GPHN: variants seen among roughly 807,000 people sequenced by gnomAD.
GPHN encodes the protein gephyrin.
In GPHN, 17 loss-of-function variants were observed where a neutral mutation model predicts 95.5. The ratio of observed to expected loss-of-function variants is 0.18; its 90% CI spans 0.12 to 0.27. The LOEUF (loss-of-function observed/expected upper bound fraction) is 0.27, where lower values mean the gene tolerates loss of function less well. GPHN is among the 10% of genes least tolerant of loss of function. GPHN has a pLI of 1.00. For missense variants in GPHN, 660 were observed against 978.1 expected (o/e 0.67, Z 4.34); for synonymous variants, 320 against 322.5 (o/e 0.99, Z 0.08).
At chr14:67,647,148 AG>A in the GPHN span, 46 of 664,962 alleles carry the variant, frequency 6.9e-5, no homozygotes, top group African/African-American at 7.3e-4. Context: ...AATTTTAAAT[AG>A]TTCAGAAAGG....
chr14:67,556,619 G>A, the GPHN span, among the ~76,000 whole-genome samples: 4 of 152,260 alleles, frequency 2.6e-5, no homozygotes, highest in South Asian at 2.1e-4. Context: ...GGGGTGTGAC[G>A]GTATGCACCT....
chr14:66,557,115 G>A (rs1036157852), intron 1 of GPHN, among the ~76,000 whole-genome samples: 1 of 152,116 alleles, frequency 6.6e-6, no homozygotes, highest in Admixed American at 6.6e-5. Flanking sequence ...GCTGAGGCTG[G>A]AGGATTTCTG....
At chr14:67,076,167 A>G (rs2076485118) in intron 11 of GPHN, among the ~76,000 whole-genome samples, 1 of 152,340 alleles carries the variant, frequency 6.6e-6, no homozygotes, top group African/African-American at 2.4e-5. Flanking sequence ...AGCAGCCATC[A>G]ACATGGAGGC....
chr14:66,698,804 G>T (rs771441333), intron 2 of GPHN, among the ~76,000 whole-genome samples: 1 of 152,140 alleles, frequency 6.6e-6, no homozygotes, highest in African/African-American at 2.4e-5. Context: ...ATTCGGCTCT[G>T]GGGAACCTGC....
At chr14:67,495,897 T>C in the GPHN span, among the ~76,000 whole-genome samples, 7 of 152,244 alleles carry the variant, frequency 4.6e-5, no homozygotes, top group African/African-American at 1.7e-4. Context: ...CAGGCAGGCT[T>C]TCTAGGGTAG....
chr14:67,433,555 G>A, the GPHN span, among the ~76,000 whole-genome samples: 10 of 152,038 alleles, frequency 6.6e-5, 1 homozygote, highest in South Asian at 2.1e-4. Context: ...CAAATGAGAC[G>A]CATCCTATAA....
intron 4 of GPHN, among the ~76,000 whole-genome samples, chr14:66,831,028 T>G (rs548352555): frequency 1.3e-5 from 2 of 152,190 alleles, no homozygotes; most frequent in South Asian, 4.1e-4. Flanking sequence ...ATAAGAACAC[T>G]GTATAAGCCC....
At chr14:67,227,044 C>G in the GPHN span, among the ~76,000 whole-genome samples, 1 of 152,160 alleles carries the variant, frequency 6.6e-6, no homozygotes, top group Non-Finnish European at 1.5e-5. Flanking sequence ...TGGATATATT[C>G]AGCAACAAAA....
chr14:66,826,366 G>C (rs2061385246), intron 4 of GPHN, among the ~76,000 whole-genome samples: 1 of 152,134 alleles, frequency 6.6e-6, no homozygotes, highest in South Asian at 2.1e-4. Context: ...GAACCAGCCA[G>C]TTCTTCAACT....
chr14:66,549,134 T>A (rs190256102), intron 1 of GPHN, among the ~76,000 whole-genome samples: 12 of 152,246 alleles, frequency 7.9e-5, no homozygotes, highest in Non-Finnish European at 7.4e-5. Context: ...TAGAGAAAAA[T>A]TTTTACATTA....
the GPHN span, among the ~76,000 whole-genome samples, chr14:67,265,247 A>G: frequency 6.6e-6 from 1 of 152,206 alleles, no homozygotes; most frequent in Non-Finnish European, 1.5e-5. Flanking sequence ...AGGACTTGTT[A>G]GGGTGTTCTA....
chr14:66,686,633 GCT>G (rs201314953), intron 2 of GPHN, among the ~76,000 whole-genome samples: 4,452 of 152,290 alleles, frequency 0.029, 93 homozygotes, highest in Middle Eastern at 0.12. Flanking sequence ...TTGCTTACCA[GCT>G]TAAGGAGAAT....
chr14:66,910,420 C>T (rs960735672), intron 5 of GPHN, among the ~76,000 whole-genome samples: 1 of 151,890 alleles, frequency 6.6e-6, no homozygotes, highest in African/African-American at 2.4e-5. Context: ...CTAGCATTGT[C>T]AGGAGAAGCA....
At chr14:67,335,559 G>A in the GPHN span, 1 of 152,624 alleles carries the variant, frequency 6.6e-6, no homozygotes, top group Non-Finnish European at 1.5e-5. Flanking sequence ...TGCTTTCTAT[G>A]AAAATCTAAT....
chr14:66,706,660 A>T lies in GPHN; in HGVS notation c.143+25475A>T, dbSNP rs2069103472. 3.3e-5 allele frequency among the ~76,000 whole-genome samples: 5 copies of T among 152,334 alleles called. No homozygotes were observed. In the South Asian group the frequency reaches 1.0e-3, roughly 32 times the overall value. On this transcript the variant is annotated intron_variant, in intron 2 of 22. Transcript: ENST00000478722. ...TTCCTTACACCTTATTCAAAAATTAACTCAAGATGTGTTAAAGACTTAAAT... is the reference window on the plus strand; with the variant it reads ...TTCCTTACACCTTATTCAAAAATTATCTCAAGATGTGTTAAAGACTTAAAT...
chr14:67,150,401 A>T (rs1430060566), intron 18 of GPHN, among the ~76,000 whole-genome samples: 1 of 137,098 alleles, frequency 7.3e-6, no homozygotes, highest in Non-Finnish European at 1.5e-5. Context: ...AGATCCCGCC[A>T]CTGCACTCCA....
chr14:67,615,419 G>A, the GPHN span: 26 of 206,416 alleles, frequency 1.3e-4, no homozygotes, highest in African/African-American at 3.9e-4. Flanking sequence ...AGACAGTGCC[G>A]GGGCAAGTGA....
intron 3 of GPHN, among the ~76,000 whole-genome samples, chr14:66,793,410 GA>G (rs2060044063): frequency 6.6e-6 from 1 of 152,022 alleles, no homozygotes; most frequent in Non-Finnish European, 1.5e-5. Context: ...AAATCCACAG[GA>G]ACAAAATAAT....
At chr14:67,569,984 C>G in the GPHN span, 2 of 1,606,368 alleles carry the variant, frequency 1.2e-6, no homozygotes, top group East Asian at 2.2e-5. Flanking sequence ...AAGAATGTCA[C>G]TGTGCCTGTC....
Sources: allele counts gnomAD v4.1 joint callset (sites outside exome capture counted in the v4.1 genomes callset), GRCh38; gene constraint gnomAD v4.1.1; transcripts MANE v1.5; gene names NCBI Gene and HGNC (gene_info 2026-07-23, HGNC 2026-07-21).